NAA11: variants seen among roughly 807,000 people sequenced by gnomAD.
The protein encoded by NAA11 is N-alpha-acetyltransferase 11, NatA catalytic subunit.
NAA11 carries 15 observed loss-of-function variants against 16.1 expected under a neutral mutation model. The observed-to-expected ratio is 0.93, with a 90% CI of 0.62 to 1.44. NAA11 has a LOEUF of 1.44. NAA11 is among the 40% of genes most tolerant of loss of function. NAA11 has a pLI of 0.00. For synonymous variants in NAA11, 122 were observed against 112.4 expected, an observed-to-expected ratio of 1.09 and a Z score of -0.54; for missense variants, 298 against 291.3, an observed-to-expected ratio of 1.02 and a Z score of -0.17.
At chr4:79,304,240 CAG>C (rs1723496474) in intron 1 of NAA11, among the ~76,000 whole-genome samples, 1 of 152,152 alleles carries the variant, frequency 6.6e-6, no homozygotes, top group Non-Finnish European at 1.5e-5. Context: ...GTCTACAGAG[CAG>C]AGTCAACTGA....
At chr4:79,267,591 A>G (rs1032522542) in intron 2 of NAA11, among the ~76,000 whole-genome samples, 2 of 152,272 alleles carry the variant, frequency 1.3e-5, no homozygotes, top group African/African-American at 2.4e-5. Flanking sequence ...ATGGAATCTC[A>G]TAACTGCAAA....
chr4:79,292,425 A>T lies in NAA11; in HGVS notation c.*122+1580T>A, dbSNP rs957769014. On this transcript the variant is annotated intron_variant and NMD_transcript_variant, in intron 2 of 2. Coordinates refer to the NAA11 transcript ENST00000511542. ...CTTACATATATGACCATCTCCTTCCATTAACTCAGGTTAAGCAGAAGCTAA... is the reference window on the plus strand; with the variant it reads ...CTTACATATATGACCATCTCCTTCCTTTAACTCAGGTTAAGCAGAAGCTAA... Among the ~76,000 whole-genome samples, 6 of 152,198 alleles carry T rather than the reference A, an allele frequency of 3.9e-5. No individual in the cohort carries two copies. The South Asian group carries it at 1.2e-3, about 32-fold the overall frequency.
intron 1 of NAA11, among the ~76,000 whole-genome samples, chr4:79,305,387 C>T (rs1232998616): frequency 6.6e-6 from 1 of 152,182 alleles, no homozygotes; most frequent in Non-Finnish European, 1.5e-5. Context: ...AACATGACTG[C>T]CATGGCAGTA....
At chr4:79,287,851 C>A (rs866904129) in intron 2 of NAA11, among the ~76,000 whole-genome samples, 1 of 152,110 alleles carries the variant, frequency 6.6e-6, no homozygotes, top group Middle Eastern at 3.2e-3. Flanking sequence ...TTTCTCTTTG[C>A]AGATTATAAT....
chr4:79,320,735 C>G (rs1432732239), intron 1 of NAA11, among the ~76,000 whole-genome samples: 1 of 152,212 alleles, frequency 6.6e-6, no homozygotes, highest in African/African-American at 2.4e-5. Flanking sequence ...AGCATCACTT[C>G]TAACTCTGTC....
intron 1 of NAA11, among the ~76,000 whole-genome samples, chr4:79,301,922 C>A (rs796619265): frequency 6.6e-6 from 1 of 152,280 alleles, no homozygotes; most frequent in African/African-American, 2.4e-5. Flanking sequence ...TTTAAGGAAT[C>A]TTCTATTTCT....
At chr4:79,170,464 T>G in the NAA11 span, among the ~76,000 whole-genome samples, 1 of 152,168 alleles carries the variant, frequency 6.6e-6, no homozygotes, top group Admixed American at 6.5e-5. Context: ...ATATTTTTGC[T>G]AAGACTTGAA....
chr4:79,172,453 A>G, the NAA11 span, among the ~76,000 whole-genome samples: 1 of 152,142 alleles, frequency 6.6e-6, no homozygotes, highest in African/African-American at 2.4e-5. Flanking sequence ...ATATGCTTTA[A>G]ACACTTCCCT....
chr4:79,160,206 G>A, the NAA11 span, among the ~76,000 whole-genome samples: 7 of 152,154 alleles, frequency 4.6e-5, no homozygotes, highest in African/African-American at 1.4e-4. Context: ...TGGCCAGGCT[G>A]GTCTCGAACT....
chr4:79,275,320 G>A (rs1377549931), intron 2 of NAA11, among the ~76,000 whole-genome samples: 2 of 152,026 alleles, frequency 1.3e-5, no homozygotes, highest in Non-Finnish European at 1.5e-5. Flanking sequence ...ATGGTATATC[G>A]TTTCATGATA....
At chr4:79,325,035 T>G in intron 1 of NAA11, 141 bp downstream of exon 1, 2 of 682,384 alleles carry the variant, frequency 2.9e-6, no homozygotes, top group South Asian at 2.1e-5. Context: ...TCACTCTAAC[T>G]TCTCCCTAAG....
At position 79,325,245 on chromosome 4, in the gene NAA11, C is replaced by G; in HGVS notation, c.633G>C (p.Glu211Asp). The G allele has an allele frequency of 1.9e-6, 3 of 1,613,676 alleles. No individual in the cohort carries two copies. The highest frequency in any genetic ancestry group is 2.5e-6 in the Non-Finnish European group (3 of 1,179,746). The change falls in exon 1 of 2, where the codon GAG becomes GAC. Residue 211 changes from glutamate to aspartate, a missense_variant. Glu to Asp is a conservative substitution (Grantham distance 45). Transcript: ENST00000286794. ...ESGSDSKEPK[E>D]SVESTNVQDS... Reference sequence around the variant, plus strand: ...CCTGGACGTTGGTGCTCTCCACAGACTCCTTAGGTTCTTTGCTGTCACTGC... The same window carrying G: ...CCTGGACGTTGGTGCTCTCCACAGAGTCCTTAGGTTCTTTGCTGTCACTGC...
chr4:79,161,217 G>T, the NAA11 span, among the ~76,000 whole-genome samples: 1 of 151,848 alleles, frequency 6.6e-6, no homozygotes, highest in Admixed American at 6.6e-5. Flanking sequence ...TCCCTGTTGC[G>T]CAGGCTGGAG....
chr4:79,167,440 C>T, the NAA11 span, among the ~76,000 whole-genome samples: 1,062 of 151,272 alleles, frequency 7.0e-3, 9 homozygotes, highest in African/African-American at 0.024. Context: ...ATATCAAGAA[C>T]ATCAGTTCTA....
chr4:79,157,473 A>G, the NAA11 span, among the ~76,000 whole-genome samples: 2 of 151,926 alleles, frequency 1.3e-5, no homozygotes, highest in African/African-American at 4.8e-5. Flanking sequence ...TCATATACAT[A>G]TGATGGAATA....
chr4:79,204,430 G>A, the NAA11 span, among the ~76,000 whole-genome samples: 8 of 151,636 alleles, frequency 5.3e-5, no homozygotes, highest in Non-Finnish European at 8.8e-5. Context: ...TATACCTAAC[G>A]TATGGACTGA....
chr4:79,201,931 A>T, the NAA11 span, among the ~76,000 whole-genome samples: 1 of 151,722 alleles, frequency 6.6e-6, no homozygotes, highest in Admixed American at 6.6e-5. Context: ...ATTGACACAT[A>T]ATAATTGTAC....
chr4:79,308,233 A>G (rs1051663237), intron 1 of NAA11: 2 of 152,218 alleles, frequency 1.3e-5, no homozygotes, highest in African/African-American at 2.4e-5. Flanking sequence ...AGGAGGTAGA[A>G]GGAAGATTGC....
chr4:79,325,852 T>A lies in NAA11; in HGVS notation c.26A>T (p.Asp9Val). The A allele has an allele frequency of 6.2e-7, 1 of 1,612,792 alleles. No individual in the cohort carries two copies. Among genetic ancestry groups the A allele is most frequent in the Non-Finnish European group, 8.5e-7 (1 of 1,179,156 alleles). Residue 9 changes from aspartate (D) to valine (V), a missense_variant, in exon 1 of 2, where the codon GAC becomes GTC. Asp to Val is a radical substitution (Grantham distance 152). Coordinates refer to ENST00000286794, the MANE Select transcript of NAA11 (RefSeq NM_032693.3). MNIRNAQP[D>V]DLMNMQHCNL... Reference sequence around the variant, plus strand: ...GCAGTGTTGCATATTCATCAGGTCGTCTGGCTGAGCGTTGCGGATGTTCAT... The same window carrying A: ...GCAGTGTTGCATATTCATCAGGTCGACTGGCTGAGCGTTGCGGATGTTCAT...
Sources: allele counts gnomAD v4.1 joint callset (sites outside exome capture counted in the v4.1 genomes callset), GRCh38; gene constraint gnomAD v4.1.1; transcripts MANE v1.5; gene names NCBI Gene and HGNC (gene_info 2026-07-23, HGNC 2026-07-21).